Variants in CCDC136 observed in about 807,000 individuals in gnomAD.
The protein encoded by CCDC136 is coiled-coil domain-containing protein 136.
A neutral mutation model predicts 141.2 loss-of-function variants in CCDC136; 100 were observed. The observed-to-expected ratio is 0.71, with a 90% CI of 0.60 to 0.84. CCDC136 has a LOEUF of 0.84. CCDC136 is among the 40% of genes least tolerant of loss of function. The pLI, the probability that CCDC136 is intolerant of heterozygous loss-of-function variation, is 0.00. For missense variants in CCDC136, 1,206 were observed against 1,379.4 expected, an observed-to-expected ratio of 0.87 and a Z score of 1.99; for synonymous variants, 474 against 531.9, an observed-to-expected ratio of 0.89 and a Z score of 1.50.
intron 3 of CCDC136, among the ~76,000 whole-genome samples, chr7:128,796,739 A>ATATATATTTTTTTTTTTT: frequency 8.8e-6 from 1 of 113,376 alleles, no homozygotes; most frequent in Non-Finnish European, 1.7e-5. Context: ...ATATATATAT[A>ATATATATTTTTTTTTTTT]TTCTTTTTTT....
chr7:128,812,230 G>A lies in CCDC136; in HGVS notation c.2459G>A (p.Ser820Asn). 6.2e-7 allele frequency: 1 copy of A among 1,613,924 alleles called. No homozygotes were observed. The highest frequency in any genetic ancestry group is 1.1e-5 in the South Asian group (1 of 91,058). The change falls in exon 13 of 18, where the codon AGC becomes AAC. Residue 820 changes from serine to asparagine, a missense_variant. Coordinates refer to ENST00000297788, the MANE Select transcript of CCDC136 (RefSeq NM_022742.5). ...SSITYKKSYGSTSSSDTCQKS... is the reference protein window; with the variant it reads ...SSITYKKSYGNTSSSDTCQKS... ...ATTACCTATAAGAAGAGTTACGGCA[G>A]CACCAGTAGCTCTGACACCTGCCAG...
chr7:128,804,770 GTCTC>G lies in CCDC136; in HGVS notation c.782+11_782+14del, dbSNP rs1804573363. ...GATCTGGAGAGTGAGAGGTACAGCT[GTCTC>G]TGGAGAGTGAGAGGTCATGGGGTTC... On this transcript the variant is annotated intron_variant, in intron 5 of 17. Transcript: ENST00000297788. 1 of 1,546,294 alleles carries G rather than the reference GTCTC, an allele frequency of 6.5e-7. No homozygotes were observed. Among genetic ancestry groups the G allele is most frequent in the Non-Finnish European group, 8.8e-7 (1 of 1,131,360 alleles).
chr7:128,798,145 C>A (rs987377155), intron 3 of CCDC136, among the ~76,000 whole-genome samples: 6 of 148,980 alleles, frequency 4.0e-5, no homozygotes, highest in Admixed American at 1.3e-4. Context: ...TCTCGATCTC[C>A]TGACCTCATG....
At chr7:128,796,542 A>G (rs1264445659) in intron 3 of CCDC136, among the ~76,000 whole-genome samples, 4 of 152,008 alleles carry the variant, frequency 2.6e-5, no homozygotes, top group Non-Finnish European at 5.9e-5. Context: ...GGTCTTAGCC[A>G]GGAATGGGAT....
At chr7:128,806,608 G>A in intron 8 of CCDC136, 80 bp from the exon 9 acceptor site, 1 of 1,341,110 alleles carries the variant, frequency 7.5e-7, no homozygotes, top group Non-Finnish European at 1.0e-6. Context: ...TTAGACTGTT[G>A]GTGTCTTCAA....
intron 15 of CCDC136, among the ~76,000 whole-genome samples, chr7:128,815,413 G>A (rs972797716): frequency 1.2e-4 from 18 of 152,234 alleles, no homozygotes; most frequent in Non-Finnish European, 2.5e-4. Flanking sequence ...ATGGCCAACA[G>A]ACATAGTGGC....
rs1028042065 is a variant in CCDC136 at position 128,794,030 on chromosome 7, A to G, written c.17-318A>G. ...CTACTTGTCCTGCTACTCAGAGGCC[A>G]GCCTAGAAGAAGCAGGTAATCCTGT... On this transcript the variant is annotated intron_variant, in intron 1 of 17. Coordinates refer to ENST00000297788, the MANE Select transcript of CCDC136 (RefSeq NM_022742.5). This position sits in a 1 kb window ranked among gnomAD's most constrained non-coding sequence, Gnocchi z 4.3. Among the ~76,000 whole-genome samples the G allele has an allele frequency of 7.9e-5, 12 of 152,358 alleles. No homozygotes were observed. Among genetic ancestry groups the G allele is most frequent in the African/African-American group, 2.9e-4 (12 of 41,594 alleles).
chr7:128,815,664 A>G lies in CCDC136; in HGVS notation c.3096A>G (p.Gly1032=). ...YYKASQRKLD[G]LAKEEEKKEE... is the part of the protein sequence containing the mutation. ...AGGCCAGCCAGAGGAAATTAGATGG[A>G]CTAGCAAAAGAGGAGGAAAAGAAAG... The change falls in exon 16 of 18, where the codon GGA becomes GGG. Residue 1032 remains glycine, a synonymous_variant. Transcript: ENST00000297788. 3 of 1,556,026 alleles carry G rather than the reference A, an allele frequency of 1.9e-6. No homozygotes were observed. Among genetic ancestry groups the G allele is most frequent in the Non-Finnish European group, 8.7e-7 (1 of 1,149,464 alleles).
Position 128,805,474 on chromosome 7 carries a change from C to T in CCDC136, c.898C>T (p.Arg300Trp), listed in dbSNP as rs373307906. 56 of 1,613,638 alleles carry T rather than the reference C, an allele frequency of 3.5e-5. No homozygotes were observed. The highest frequency in any genetic ancestry group is 4.2e-5 in the Non-Finnish European group (50 of 1,179,764). ...GCCTGATCCTGAAATGCAGTTGTTA[C>T]GGCAGCAGCTACGGGATGCTGAAGA... is the stretch of plus-strand genomic sequence containing the variant. ...LEPDPEMQLLRQQLRDAEEQM... is the reference protein window; with the variant it reads ...LEPDPEMQLLWQQLRDAEEQM... The change falls in exon 6 of 18, where the codon CGG becomes TGG. Residue 300 changes from arginine to tryptophan, a missense_variant. Transcript: ENST00000297788. The surrounding 1 kb of genome is among the most constrained non-coding windows in gnomAD (Gnocchi z 4.6).
In CCDC136 at chr7:128,815,884, G is replaced by C; in HGVS notation, c.3316G>C (p.Glu1106Gln). The C allele has an allele frequency of 6.2e-7, 1 of 1,613,802 alleles. No individual in the cohort carries two copies. Among genetic ancestry groups the C allele is most frequent in the Non-Finnish European group, 8.5e-7 (1 of 1,179,822 alleles). The change falls in exon 16 of 18, where the codon GAA becomes CAA. Residue 1106 changes from glutamate to glutamine, a missense_variant. Coordinates refer to ENST00000297788, the MANE Select transcript of CCDC136 (RefSeq NM_022742.5). The stretch of plus-strand genomic sequence containing the variant: ...GGAGGATGACGCCGACTCTTCCCTT[G>C]AAAGTCCCGAAGAAAATAACCCCCT... Reference protein sequence around the residue: ...EEEDDADSSLESPEENNPLRL... With the variant: ...EEEDDADSSLQSPEENNPLRL...
chr7:128,819,287 A>G (rs1296096985), intron 17 of CCDC136, among the ~76,000 whole-genome samples: 1 of 152,226 alleles, frequency 6.6e-6, no homozygotes, highest in Non-Finnish European at 1.5e-5. Context: ...AGGCCCCAAC[A>G]TGCACCTGTG....
Position 128,811,861 on chromosome 7 carries a change from C to T in CCDC136, c.2090C>T (p.Ala697Val), listed in dbSNP as rs746042178. 56 of 1,611,724 alleles carry T rather than the reference C, an allele frequency of 3.5e-5. No individual in the cohort carries two copies. Among genetic ancestry groups the T allele is most frequent in the Middle Eastern group, 1.7e-4 (1 of 6,056 alleles). The stretch of plus-strand genomic sequence containing the variant: ...CAGGTGATGTATGACGCCGGTCAGG[C>T]GAAGCAGGAGCTCTTGCAGCAAGAG... The part of the protein sequence containing the change: ...ALQVMYDAGQ[A>V]KQELLQQEQG... Residue 697 changes from alanine (A) to valine (V), a missense_variant, in exon 13 of 18, where the codon GCG becomes GTG. By Grantham distance (64) the Ala-to-Val change is moderately conservative. Transcript: ENST00000297788.
chr7:128,809,018 T>G (rs1249778020), intron 10 of CCDC136: 1 of 963,708 alleles, frequency 1.0e-6, no homozygotes, highest in African/African-American at 1.8e-5. Context: ...AGGGTGAAAT[T>G]AAGTCCTTAT....
chr7:128,819,328 A>G (rs1160175978), intron 17 of CCDC136, among the ~76,000 whole-genome samples: 1 of 152,332 alleles, frequency 6.6e-6, no homozygotes, highest in African/African-American at 2.4e-5. Context: ...ACAGTGTGGT[A>G]GAAAGCGTGG....
rs578036036 is a variant in CCDC136, at chr7:128,806,732, C to G, written c.1293C>G (p.Asn431Lys). 1 of 1,611,516 alleles carries G rather than the reference C, an allele frequency of 6.2e-7. No homozygotes were observed. The highest frequency in any genetic ancestry group is 8.5e-7 in the Non-Finnish European group (1 of 1,179,420). Residue 431 changes from asparagine to lysine, a missense_variant, in exon 9 of 18, where the codon AAC (asparagine) becomes AAG (lysine). Asn to Lys is a moderately conservative substitution (Grantham distance 94, BLOSUM62 0). Transcript: ENST00000297788. ...AGAAGCTGCACCTCCAGCACCAGAA[C>G]GTCACATGTGAGAAGGAAAAGCTGC... The part of the protein sequence containing the change: ...RLQKLHLQHQ[N>K]VTCEKEKLLE...
At chr7:128,814,022 A>T (rs1806183338) in intron 14 of CCDC136, among the ~76,000 whole-genome samples, 1 of 152,106 alleles carries the variant, frequency 6.6e-6, no homozygotes, top group Non-Finnish European at 1.5e-5. Flanking sequence ...GAGGTTCAGA[A>T]TTGGTAGCAG....
chr7:128,812,216 G>C lies in CCDC136; in HGVS notation c.2445G>C (p.Lys815Asn). ...CCAGCAACAGCAGCATTACCTATAAGAAGAGTTACGGCAGCACCAGTAGCT... is the reference window on the plus strand; with the variant it reads ...CCAGCAACAGCAGCATTACCTATAACAAGAGTTACGGCAGCACCAGTAGCT... ...CTTSNSSITYKKSYGSTSSSD... is the reference protein window; with the variant it reads ...CTTSNSSITYNKSYGSTSSSD... Residue 815 changes from lysine (K) to asparagine (N), a missense_variant, in exon 13 of 18, where the codon AAG (lysine) becomes AAC (asparagine). Physicochemically the swap from Lys to Asn is moderately conservative, Grantham distance 94 (BLOSUM62 0). Transcript: ENST00000297788. 1 of 1,613,998 alleles carries C rather than the reference G, an allele frequency of 6.2e-7. No individual in the cohort carries two copies.
intron 4 of CCDC136, among the ~76,000 whole-genome samples, chr7:128,802,527 T>A (rs1249659526): frequency 6.6e-6 from 1 of 152,212 alleles, no homozygotes; most frequent in Non-Finnish European, 1.5e-5. Context: ...GGTCTGGTTA[T>A]GGTCTTTCTC....
Position 128,809,733 on chromosome 7 carries a change from T to C in CCDC136, c.1800+89T>C, listed in dbSNP as rs901843811. ...CTAGGGAAAAATAAAAGGGTGGGGA[T>C]TGAACTTTTTCTCTTACCAACCACT... is the stretch of plus-strand genomic sequence containing the variant. On this transcript the variant is annotated intron_variant, in intron 11 of 17. Coordinates refer to ENST00000297788, the MANE Select transcript of CCDC136 (RefSeq NM_022742.5). 3 of 1,035,120 alleles carry C rather than the reference T, an allele frequency of 2.9e-6. No individual in the cohort carries two copies. In the African/African-American group the frequency reaches 4.9e-5, roughly 17 times the overall value. The allele number at this position is 1,035,120 out of a possible 1,614,324, so 64.1% of individuals were successfully genotyped here.
Sources: gnomAD v4.1 joint callset for allele counts (sites outside exome capture counted in the v4.1 genomes callset) on GRCh38, gnomAD v4.1.1 for gene constraint, Gnocchi (gnomAD v3.1) non-coding constraint, MANE v1.5 for transcripts, NCBI Gene and HGNC (gene_info 2026-07-23, HGNC 2026-07-21) for gene names.